The following SUGCT variants were observed in gnomAD, a reference collection of about 807,000 sequenced individuals.
The protein encoded by SUGCT is succinyl-CoA:glutarate CoA-transferase.
A neutral mutation model predicts 55.0 loss-of-function variants in SUGCT; 41 were observed. The observed-to-expected ratio is 0.74, with a 90% CI of 0.58 to 0.97. The LOEUF (loss-of-function observed/expected upper bound fraction) is 0.97, where lower values mean the gene tolerates loss of function less well. Ranked by LOEUF, SUGCT falls within the 50% of genes least tolerant of loss-of-function variation. The probability of loss-of-function intolerance (pLI) is 0.00; values close to 1 mark genes in which losing one functional copy is unlikely to be tolerated. For missense variants in SUGCT, 568 were observed against 547.8 expected, an observed-to-expected ratio of 1.04 and a Z score of -0.37; for synonymous variants, 187 against 200.4, an observed-to-expected ratio of 0.93 and a Z score of 0.56.
chr7:40,889,978 C>G, the SUGCT span, among the ~76,000 whole-genome samples: 1 of 151,864 alleles, frequency 6.6e-6, no homozygotes, highest in Non-Finnish European at 1.5e-5. Flanking sequence ...CTGTAGAATG[C>G]AAGCTCCATG....
chr7:40,617,241 T>C (rs774698638), intron 12 of SUGCT, among the ~76,000 whole-genome samples: 24 of 152,338 alleles, frequency 1.6e-4, no homozygotes, highest in Non-Finnish European at 2.2e-4. Flanking sequence ...GGGGGCTTAA[T>C]GAATACTTTT....
At position 40,189,398 on chromosome 7, in the gene SUGCT, C is replaced by CTTTTTTTTTT. The variant is rs771275549; in HGVS notation, c.313-141_313-132dup. On this transcript the variant is annotated intron_variant, in intron 4 of 13. Coordinates refer to ENST00000335693, the MANE Select transcript of SUGCT (RefSeq NM_001193313.2). ...TTATGATAGTATTTTAATACACATA[C>CTTTTTTTTTT]TTTTTTTTTTTTTTACTTTTTATTT... 5.7e-3 allele frequency: 830 copies of CTTTTTTTTTT among 145,432 alleles called. 16 individuals carry two copies. The highest frequency in any genetic ancestry group is 0.024 in the African/African-American group (778 of 32,210). 9.0% of individuals were successfully genotyped at this position (145,432 alleles called of 1,614,324 possible). A position where few individuals can be genotyped will look rare whatever the true frequency, so the allele number is the denominator to read the frequency against.
In SUGCT at chr7:40,249,313, CTATATATATATATA is replaced by C. The variant is rs57348487; in HGVS notation, c.576+11608_576+11621del. On this transcript the variant is annotated intron_variant, in intron 7 of 13. Transcript: ENST00000335693. ...TCTTAAAACAAAAAACACCAAAAAGCTATATATATATATATATATATATATATATATATAATTAT... is the reference window on the plus strand; with the variant it reads ...TCTTAAAACAAAAAACACCAAAAAGCTATATATATATATATATATAATTAT... Among the ~76,000 whole-genome samples the C allele has an allele frequency of 8.6e-4, 68 of 79,512 alleles. 1 individual carries two copies. Among genetic ancestry groups the C allele is most frequent in the Middle Eastern group, 0.014 (2 of 146 alleles). The allele number at this position is 79,512 out of a possible 152,430, so 52.2% of individuals were successfully genotyped here.
chr7:40,142,653 C>G (rs1788048406), intron 1 of SUGCT, among the ~76,000 whole-genome samples: 1 of 152,194 alleles, frequency 6.6e-6, no homozygotes, highest in Non-Finnish European at 1.5e-5. Flanking sequence ...GTCATTTACC[C>G]CTGAGTTGTT....
chr7:41,036,254 C>A, the SUGCT span, among the ~76,000 whole-genome samples: 1 of 152,128 alleles, frequency 6.6e-6, no homozygotes, highest in Non-Finnish European at 1.5e-5. Context: ...TCTGGCCTCA[C>A]CAGGAAAGTG....
At chr7:40,503,106 G>C (rs1792380062) in intron 12 of SUGCT, among the ~76,000 whole-genome samples, 1 of 151,950 alleles carries the variant, frequency 6.6e-6, no homozygotes, top group South Asian at 2.1e-4. Context: ...GGGCTTTCAG[G>C]CTTGGTTTTT....
the SUGCT span, among the ~76,000 whole-genome samples, chr7:40,929,450 C>T: frequency 4.6e-5 from 7 of 152,112 alleles, no homozygotes; most frequent in Admixed American, 1.3e-4. Flanking sequence ...GTAATGGGAT[C>T]GCTGGGTCAA....
At chr7:40,314,227 A>G (rs1350002308) in intron 8 of SUGCT, among the ~76,000 whole-genome samples, 1 of 152,190 alleles carries the variant, frequency 6.6e-6, no homozygotes, top group African/African-American at 2.4e-5. Context: ...TTTAGGATTT[A>G]TAAGTTGGCC....
chr7:40,970,599 C>T, the SUGCT span, among the ~76,000 whole-genome samples: 8 of 152,250 alleles, frequency 5.3e-5, 1 homozygote, highest in South Asian at 6.2e-4. Context: ...CATGTGTTCA[C>T]GACCAAATAG....
the SUGCT span, among the ~76,000 whole-genome samples, chr7:40,904,723 A>G: frequency 6.6e-6 from 1 of 152,202 alleles, no homozygotes; most frequent in African/African-American, 2.4e-5. Context: ...AATATTTAGA[A>G]GCTGAAGACA....
At chr7:40,550,452 CTCT>C (rs1305595930) in intron 12 of SUGCT, among the ~76,000 whole-genome samples, 2 of 152,168 alleles carry the variant, frequency 1.3e-5, no homozygotes, top group Non-Finnish European at 2.9e-5. Context: ...TGTACCTTTT[CTCT>C]TCTTGTATGA....
At chr7:40,251,374 A>G (rs1299727088) in intron 7 of SUGCT, among the ~76,000 whole-genome samples, 2 of 152,164 alleles carry the variant, frequency 1.3e-5, no homozygotes, top group East Asian at 1.9e-4. Context: ...GTCAAGTTCC[A>G]TAACATGTAA....
intron 13 of SUGCT, among the ~76,000 whole-genome samples, chr7:40,832,200 C>T (rs944462887): frequency 6.6e-6 from 1 of 152,280 alleles, no homozygotes; most frequent in African/African-American, 2.4e-5. Flanking sequence ...TAACCCAGAG[C>T]AGGCATCCAA....
intron 9 of SUGCT, among the ~76,000 whole-genome samples, chr7:40,408,202 G>A (rs993795467): frequency 6.6e-6 from 1 of 152,036 alleles, no homozygotes; most frequent in African/African-American, 2.4e-5. Context: ...ATGCATATAT[G>A]TGCATATTCT....
At chr7:40,738,953 T>G (rs1787319725) in intron 12 of SUGCT, among the ~76,000 whole-genome samples, 1 of 152,200 alleles carries the variant, frequency 6.6e-6, no homozygotes, top group Non-Finnish European at 1.5e-5. Flanking sequence ...TATTCATCAA[T>G]ATATTTCTAG....
the SUGCT span, among the ~76,000 whole-genome samples, chr7:40,986,222 C>A: frequency 6.6e-6 from 1 of 152,116 alleles, no homozygotes; most frequent in Non-Finnish European, 1.5e-5. Context: ...ATTTAATGTT[C>A]AATGATTTAT....
chr7:40,566,606 G>A lies in SUGCT; in HGVS notation c.1089+70220G>A, dbSNP rs1349370473. ...CAAACCAGAACCAAGGACTTTCTAT[G>A]AGACCTTAAAAATCTTTATTATGTT... On this transcript the variant is annotated intron_variant, in intron 12 of 13. Coordinates refer to ENST00000335693, the MANE Select transcript of SUGCT (RefSeq NM_001193313.2). 2.6e-5 allele frequency among the ~76,000 whole-genome samples: 4 copies of A among 152,270 alleles called. No individual in the cohort carries two copies. In the East Asian group the frequency reaches 7.7e-4, roughly 29 times the overall value.
chr7:40,230,149 AC>A (rs1208850612), intron 6 of SUGCT, among the ~76,000 whole-genome samples: 1 of 152,058 alleles, frequency 6.6e-6, no homozygotes, highest in Non-Finnish European at 1.5e-5. Flanking sequence ...GTCTCTAGTA[AC>A]CTATCATTGA....
chr7:40,480,130 C>G (rs1212716594), intron 11 of SUGCT, among the ~76,000 whole-genome samples: 2 of 151,970 alleles, frequency 1.3e-5, no homozygotes, highest in Non-Finnish European at 2.9e-5. Flanking sequence ...CCATCTTTTT[C>G]TATTAGTTAT....
Sources: allele counts gnomAD v4.1 joint callset (sites outside exome capture counted in the v4.1 genomes callset), GRCh38; gene constraint gnomAD v4.1.1; transcripts MANE v1.5; gene names NCBI Gene and HGNC (gene_info 2026-07-23, HGNC 2026-07-21).